The following EIF4G3 variants were observed in gnomAD, a reference collection of about 807,000 sequenced individuals.
The protein encoded by EIF4G3 is eukaryotic translation initiation factor 4 gamma 3.
A neutral mutation model predicts 186.4 loss-of-function variants in EIF4G3; 34 were observed. That is an observed-to-expected ratio of 0.18 (90% CI 0.14 to 0.24). The LOEUF (loss-of-function observed/expected upper bound fraction) is 0.24, where lower values mean the gene tolerates loss of function less well. Among genes scored for constraint, EIF4G3 ranks in the 10% least tolerant of loss-of-function variants. The pLI is 1.00. For synonymous variants in EIF4G3, 673 were observed against 679.5 expected (o/e 0.99, Z 0.15); for missense variants, 1,536 against 1,948.5 (o/e 0.79, Z 3.99).
chr1:21,093,401 A>G (rs960318641), intron 2 of EIF4G3, among the ~76,000 whole-genome samples: 13 of 152,216 alleles, frequency 8.5e-5, no homozygotes, highest in Non-Finnish European at 1.6e-4. Flanking sequence ...CCACAATGAG[A>G]TATTATCTCA....
chr1:20,980,088 C>A (rs2077644500), intron 10 of EIF4G3, among the ~76,000 whole-genome samples: 1 of 152,000 alleles, frequency 6.6e-6, no homozygotes, highest in Admixed American at 6.6e-5. Context: ...GTAGGTCCAG[C>A]TACTTGGGAA....
At chr1:21,081,267 C>T (rs1005508272) in intron 3 of EIF4G3, among the ~76,000 whole-genome samples, 19 of 152,066 alleles carry the variant, frequency 1.2e-4, no homozygotes, top group African/African-American at 4.3e-4. Context: ...CCCGTCTCTA[C>T]TAAAAATACA....
intron 29 of EIF4G3, 134 bp from the exon 30 acceptor site, chr1:20,841,162 G>T: frequency 2.6e-6 from 2 of 771,410 alleles, no homozygotes; most frequent in Non-Finnish European, 2.0e-6. Flanking sequence ...TCAAATATAA[G>T]TTTATATTTG....
intron 18 of EIF4G3, among the ~76,000 whole-genome samples, chr1:20,887,288 TCATA>T (rs993886281): frequency 7.9e-5 from 12 of 152,198 alleles, no homozygotes; most frequent in African/African-American, 2.9e-4. Context: ...AATAAAAACT[TCATA>T]CAAAGCACAC....
chr1:20,966,001 GTTCTAT>G (rs759114746), intron 12 of EIF4G3, among the ~76,000 whole-genome samples: 5 of 152,090 alleles, frequency 3.3e-5, no homozygotes, highest in Non-Finnish European at 5.9e-5. Flanking sequence ...CCTCTTCCCT[GTTCTAT>G]TTCACATGTA....
intron 2 of EIF4G3, among the ~76,000 whole-genome samples, chr1:21,110,866 C>A (rs1387376148): frequency 1.3e-5 from 2 of 152,224 alleles, no homozygotes; most frequent in African/African-American, 2.4e-5. Flanking sequence ...TGCGCCCAGA[C>A]CCAGAGTAAC....
intron 12 of EIF4G3, among the ~76,000 whole-genome samples, chr1:20,952,657 T>C (rs1029132878): frequency 1.3e-5 from 2 of 152,146 alleles, no homozygotes; most frequent in Non-Finnish European, 2.9e-5. Flanking sequence ...GAGATCAGCC[T>C]GGCCAACATG....
At chr1:20,973,448 C>G (rs1195786593) in intron 10 of EIF4G3, among the ~76,000 whole-genome samples, 3 of 152,208 alleles carry the variant, frequency 2.0e-5, no homozygotes, top group Non-Finnish European at 4.4e-5. Flanking sequence ...AACTGTGACT[C>G]TCACACAAGG....
intron 2 of EIF4G3, among the ~76,000 whole-genome samples, chr1:21,150,815 A>C (rs904887223): frequency 6.6e-6 from 1 of 152,134 alleles, no homozygotes; most frequent in Non-Finnish European, 1.5e-5. Context: ...CGTTTCTACT[A>C]AAAATACAAA....
intron 4 of EIF4G3, among the ~76,000 whole-genome samples, chr1:21,006,169 C>T (rs1198520012): frequency 6.6e-6 from 1 of 152,200 alleles, no homozygotes; most frequent in Non-Finnish European, 1.5e-5. Flanking sequence ...GTAAGCAGTG[C>T]AACTGTAAAA....
At chr1:20,825,301 CA>C in intron 32 of EIF4G3, 103 bp from the exon 33 acceptor site, 1 of 865,050 alleles carries the variant, frequency 1.2e-6, no homozygotes, top group Non-Finnish European at 1.7e-6. Flanking sequence ...GTGCAAACCC[CA>C]AAAAGCTGAA....
intron 12 of EIF4G3, among the ~76,000 whole-genome samples, chr1:20,962,276 G>A (rs1390736445): frequency 2.0e-5 from 3 of 152,034 alleles, no homozygotes; most frequent in African/African-American, 2.4e-5. Flanking sequence ...AAGCCTTACC[G>A]ATAAAACATA....
intron 14 of EIF4G3, among the ~76,000 whole-genome samples, chr1:20,926,680 G>GAAAAAAAAAAAA (rs376198678): frequency 3.2e-5 from 4 of 124,368 alleles, no homozygotes; most frequent in African/African-American, 6.2e-5. Context: ...AAAAAGAAAA[G>GAAAAAAAAAAAA]AAAAAAAAAA....
intron 14 of EIF4G3, among the ~76,000 whole-genome samples, chr1:20,913,000 G>A (rs1188401406): frequency 6.6e-6 from 1 of 152,128 alleles, no homozygotes; most frequent in African/African-American, 2.4e-5. Context: ...AATAACAATG[G>A]CGATGAAATA....
chr1:20,886,321 G>C lies in EIF4G3; in HGVS notation c.2304C>G (p.Pro768=). 1 of 1,613,818 alleles carries C rather than the reference G, an allele frequency of 6.2e-7. No homozygotes were observed. Among genetic ancestry groups the C allele is most frequent in the Non-Finnish European group, 8.5e-7 (1 of 1,179,920 alleles). Residue 768 remains proline, a synonymous_variant, in exon 19 of 37, where the codon CCC becomes CCG. Transcript: ENST00000602326. ...TTACAGAAACTGTGATGATCTTTCT[G>C]GGTTCTCTTCTTTGGCCAGGTTGAG... ...RRSQPGQRRE[P]RKIITVSVKE...
intron 34 of EIF4G3, among the ~76,000 whole-genome samples, chr1:20,816,300 A>G (rs2060820317): frequency 7.1e-5 from 1 of 14,098 alleles, no homozygotes; most frequent in African/African-American, 2.1e-4. Context: ...CTGCCCGGCC[A>G]GCCGCCCCGT....
Position 20,992,870 on chromosome 1 carries a change from A to C in EIF4G3, c.177+4731T>G, listed in dbSNP as rs192560177. Among the ~76,000 whole-genome samples the C allele has an allele frequency of 1.7e-3, 260 of 152,294 alleles. 1 individual carries two copies. Among genetic ancestry groups the C allele is most frequent in the Admixed American group, 3.6e-3 (55 of 15,300 alleles). On this transcript the variant is annotated intron_variant, in intron 7 of 36. Transcript: ENST00000602326. ...AGATTTTAATGACCAAATACACAAA[A>C]TAAACAACACAGGCCAGAATCCAAA...
At chr1:20,922,259 C>T (rs569612785) in intron 14 of EIF4G3, among the ~76,000 whole-genome samples, 148 of 152,200 alleles carry the variant, frequency 9.7e-4, no homozygotes, top group Non-Finnish European at 1.8e-3. Context: ...AAAATTTTGA[C>T]GTAAATTCAC....
At chr1:21,095,735 T>C (rs1336396789) in intron 2 of EIF4G3, among the ~76,000 whole-genome samples, 2 of 152,134 alleles carry the variant, frequency 1.3e-5, no homozygotes, top group African/African-American at 4.8e-5. Context: ...CCAATTGATT[T>C]CCTGCTAGTC....
Sources: allele counts gnomAD v4.1 joint callset (sites outside exome capture counted in the v4.1 genomes callset), GRCh38; gene constraint gnomAD v4.1.1; transcripts MANE v1.5; gene names NCBI Gene and HGNC (gene_info 2026-07-23, HGNC 2026-07-21).